Variants in VOPP1 observed in about 807,000 individuals in gnomAD.
VOPP1 encodes VOPP1 WW domain binding protein.
In VOPP1, 8 loss-of-function variants were observed where a neutral mutation model predicts 23.5. That is an observed-to-expected ratio of 0.34 (90% confidence interval 0.20 to 0.61). The LOEUF is 0.61. Among genes scored for constraint, VOPP1 ranks in the 20% least tolerant of loss-of-function variants. The pLI is 0.78. For synonymous variants in VOPP1, 83 were observed against 97.3 expected (o/e 0.85, Z 0.86); for missense variants, 174 against 238.1 (o/e 0.73, Z 1.77).
intron 1 of VOPP1, chr7:55,561,715 A>G (rs1562631826): frequency 5.4e-6 from 2 of 369,336 alleles, no homozygotes; most frequent in Non-Finnish European, 9.7e-6. Context: ...AAAAAAAAAA[A>G]AGAAGAAGAA....
chr7:55,556,254 T>A (rs1282537121), intron 1 of VOPP1, among the ~76,000 whole-genome samples: 1 of 151,970 alleles, frequency 6.6e-6, no homozygotes, highest in Admixed American at 6.6e-5. Flanking sequence ...GAGACAGGGG[T>A]TCAGCCCAGC....
At chr7:55,523,369 C>T (rs373374553) in intron 1 of VOPP1, among the ~76,000 whole-genome samples, 1 of 152,042 alleles carries the variant, frequency 6.6e-6, no homozygotes, top group African/African-American at 2.4e-5. Context: ...ACAATTATTA[C>T]ATACCAATAC....
At chr7:55,514,526 G>A (rs1022493891) in intron 2 of VOPP1, among the ~76,000 whole-genome samples, 1 of 152,184 alleles carries the variant, frequency 6.6e-6, no homozygotes, top group Non-Finnish European at 1.5e-5. Flanking sequence ...ATTTGTCTCC[G>A]TTACTAAAGG....
intron 1 of VOPP1, among the ~76,000 whole-genome samples, chr7:55,561,481 C>T (rs964128539): frequency 2.6e-5 from 4 of 151,998 alleles, no homozygotes; most frequent in South Asian, 2.1e-4. Context: ...GAGGCCAAGG[C>T]GGGCAGATCA....
chr7:55,443,325 C>T (rs934749574), intron 4 of VOPP1, among the ~76,000 whole-genome samples: 5 of 151,998 alleles, frequency 3.3e-5, no homozygotes, highest in Non-Finnish European at 5.9e-5. Context: ...GAGGCTGATG[C>T]GGGCGGATCA....
chr7:55,571,675 C>G (rs1436121887), intron 1 of VOPP1: 1 of 152,370 alleles, frequency 6.6e-6, no homozygotes, highest in Non-Finnish European at 1.5e-5. Context: ...CACCCCCACC[C>G]AGCCAGGCTC....
chr7:55,477,268 G>A (rs1792329495), intron 4 of VOPP1, among the ~76,000 whole-genome samples: 1 of 152,212 alleles, frequency 6.6e-6, no homozygotes, highest in Non-Finnish European at 1.5e-5. Context: ...CACGAGGACA[G>A]AGCATCACTC....
intron 1 of VOPP1, chr7:55,561,802 G>C: frequency 3.3e-6 from 2 of 600,042 alleles, no homozygotes; most frequent in Admixed American, 5.5e-5. Flanking sequence ...AGAGCACGTG[G>C]GAGTAGCTTG....
intron 1 of VOPP1, among the ~76,000 whole-genome samples, chr7:55,540,126 G>A (rs1394791440): frequency 1.3e-5 from 2 of 152,010 alleles, no homozygotes; most frequent in Non-Finnish European, 2.9e-5. Flanking sequence ...CCAGCCAGGC[G>A]CAGTGGCTCA....
At chr7:55,441,002 G>T (rs1790951505) in intron 4 of VOPP1, among the ~76,000 whole-genome samples, 1 of 152,194 alleles carries the variant, frequency 6.6e-6, no homozygotes, top group Non-Finnish European at 1.5e-5. Context: ...TTCTCGCATG[G>T]AATTATTTTG....
In VOPP1 at chr7:55,472,155, G is replaced by A. The variant is rs1290698174; in HGVS notation, c.*700C>T. The A allele has an allele frequency of 6.6e-6, 1 of 151,606 alleles. No individual in the cohort carries two copies. The highest frequency in any genetic ancestry group is 1.5e-5 in the Non-Finnish European group (1 of 67,934). The allele number at this position is 151,606 out of a possible 1,614,324, so 9.4% of individuals were successfully genotyped here. The stretch of plus-strand genomic sequence containing the variant: ...TTTGGGGCAGGAAGTGATTTCCCAT[G>A]AATTTAAATAAATTTGCTTAGTGGA... On this transcript the variant is annotated 3_prime_UTR_variant, in exon 5 of 5. Coordinates refer to ENST00000285279, the MANE Select transcript of VOPP1 (RefSeq NM_030796.5).
intron 1 of VOPP1, among the ~76,000 whole-genome samples, chr7:55,536,794 C>A (rs1796821378): frequency 1.3e-5 from 2 of 152,192 alleles, no homozygotes; most frequent in Non-Finnish European, 2.9e-5. Context: ...CTGGCTCAGG[C>A]AGCGCATCTG....
At chr7:55,502,523 G>C (rs981067488) in intron 2 of VOPP1, among the ~76,000 whole-genome samples, 1 of 152,166 alleles carries the variant, frequency 6.6e-6, no homozygotes, top group East Asian at 1.9e-4. Context: ...CCAGCTACTC[G>C]AAGGAGCACA....
intron 1 of VOPP1, among the ~76,000 whole-genome samples, chr7:55,525,970 G>A (rs886221679): frequency 1.3e-5 from 2 of 152,132 alleles, no homozygotes; most frequent in African/African-American, 4.8e-5. Context: ...TGTGTGTGAG[G>A]AGAGGTCAAC....
chr7:55,481,652 A>AGCATG (rs952752377), intron 4 of VOPP1, among the ~76,000 whole-genome samples: 48 of 152,330 alleles, frequency 3.2e-4, no homozygotes, highest in African/African-American at 1.1e-3. Flanking sequence ...GTGGGTGCAG[A>AGCATG]GCATGCATTT....
At chr7:55,517,344 C>T (rs1795526028) in intron 2 of VOPP1, among the ~76,000 whole-genome samples, 1 of 151,964 alleles carries the variant, frequency 6.6e-6, no homozygotes, top group Non-Finnish European at 1.5e-5. Flanking sequence ...GGCATAGGTA[C>T]CTTCCCTGTC....
In VOPP1 at chr7:55,505,671, G is replaced by A. The variant is rs918901320; in HGVS notation, c.114-7981C>T. ...GAAGGAAGGGAGGGAGGGAGGGAGG[G>A]AGGGAGGGAGGGAGGGAGGGAGGGA... On this transcript the variant is annotated intron_variant, in intron 2 of 4. Transcript: ENST00000285279. Among the ~76,000 whole-genome samples, 37 of 27,190 alleles carry A rather than the reference G, an allele frequency of 1.4e-3. 1 individual carries two copies. Among genetic ancestry groups the A allele is most frequent in the Admixed American group, 2.5e-3 (4 of 1,570 alleles). The allele number at this position is 27,190 out of a possible 152,430, so 17.8% of individuals were successfully genotyped here. A position where few individuals can be genotyped will look rare whatever the true frequency, so the allele number is the denominator to read the frequency against.
intron 2 of VOPP1, among the ~76,000 whole-genome samples, chr7:55,508,698 T>C (rs575377898): frequency 7.8e-4 from 119 of 152,324 alleles, no homozygotes; most frequent in African/African-American, 2.7e-3. Flanking sequence ...TAGTTTCTGG[T>C]TGACTAAATA....
chr7:55,467,996 G>C (rs908309851), downstream of VOPP1, among the ~76,000 whole-genome samples: 3 of 152,224 alleles, frequency 2.0e-5, no homozygotes, highest in Non-Finnish European at 2.9e-5. Flanking sequence ...GGCCCTGGCT[G>C]GGGGCAGTGG....
Sources: gnomAD v4.1 joint callset for allele counts (sites outside exome capture counted in the v4.1 genomes callset) on GRCh38, gnomAD v4.1.1 for gene constraint, MANE v1.5 for transcripts, NCBI Gene and HGNC (gene_info 2026-07-23, HGNC 2026-07-21) for gene names.